The following RIF1 variants were observed in gnomAD, a reference collection of about 807,000 sequenced individuals.
RIF1 encodes telomere-associated protein RIF1.
Under a neutral mutation model 247.1 loss-of-function variants are expected in RIF1, and 45 were observed. That is an observed-to-expected ratio of 0.18 (90% CI 0.14 to 0.23). The LOEUF is 0.23. RIF1 is among the 10% of genes least tolerant of loss of function. The pLI is 1.00. For missense variants in RIF1, 2,967 were observed against 2,862.5 expected (o/e 1.04, Z -0.83); for synonymous variants, 1,087 against 978.8 (o/e 1.11, Z -2.06).
Position 151,505,462 on chromosome 2 carries a change from A to C in RIF1, c.*862-748A>C. On this transcript the variant is annotated intron_variant and NMD_transcript_variant, in intron 12 of 13. Coordinates refer to the RIF1 transcript ENST00000454583. The stretch of plus-strand genomic sequence containing the variant: ...TGGCCAGTCACACAAATGGAAGCTG[A>C]GAGTATGGCCACTACCGAGCTAATG... The C allele has an allele frequency of 6.2e-7, 1 of 1,605,692 alleles. No homozygotes were observed. Among genetic ancestry groups the C allele is most frequent in the Non-Finnish European group, 8.5e-7 (1 of 1,172,690 alleles).
At position 151,464,959 on chromosome 2, in the gene RIF1, T is replaced by G; in HGVS notation, c.5439T>G (p.Val1813=). ...ATACTATTAATGATTCATTAATTGT[T>G]TCTGAAACCAAATCAAAAGAAAACA... is the stretch of plus-strand genomic sequence containing the variant. ...DNDTINDSLI[V]SETKSKENTM... is the part of the protein sequence containing the mutation. The change falls in exon 30 of 36, where the codon GTT becomes GTG. Residue 1813 remains valine (V), a synonymous_variant. Coordinates refer to ENST00000444746, the MANE Select transcript of RIF1 (RefSeq NM_018151.5). 6.4e-7 allele frequency: 1 copy of G among 1,572,700 alleles called. No individual in the cohort carries two copies. The highest frequency in any genetic ancestry group is 8.6e-7 in the Non-Finnish European group (1 of 1,167,502).
the RIF1 span, chr2:151,516,672 A>C: frequency 1.3e-5 from 10 of 747,266 alleles, no homozygotes; most frequent in Non-Finnish European, 2.1e-5. Context: ...ATGGCATCTC[A>C]TTGCCACTCA....
At chr2:151,429,545 A>G (rs1244107253) in intron 9 of RIF1, among the ~76,000 whole-genome samples, 1 of 152,218 alleles carries the variant, frequency 6.6e-6, no homozygotes, top group Non-Finnish European at 1.5e-5. Flanking sequence ...TTATTTAATC[A>G]TCACAATAGA....
At position 151,475,659 on chromosome 2, in the gene RIF1, T is replaced by C. The variant is rs1452727749; in HGVS notation, c.*588T>C. 6.5e-6 allele frequency: 1 copy of C among 153,742 alleles called. No individual in the cohort carries two copies. Among genetic ancestry groups the C allele is most frequent in the Non-Finnish European group, 1.5e-5 (1 of 68,948 alleles). The allele number at this position is 153,742 out of a possible 1,614,324, so 9.5% of individuals were successfully genotyped here. A position where few individuals can be genotyped will look rare whatever the true frequency, so the allele number is the denominator to read the frequency against. On this transcript the variant is annotated 3_prime_UTR_variant, in exon 36 of 36. Transcript: ENST00000444746. ...TGGCGGTTAAAATATTAATGCAGAA[T>C]TTACTAAGATTTTATTCATTTGCAT...
rs527721655 is a variant in RIF1, at chr2:151,445,320, T to G, written c.1987-18T>G. 18 of 1,366,430 alleles carry G rather than the reference T, an allele frequency of 1.3e-5. No individual in the cohort carries two copies. In the South Asian group the frequency reaches 2.1e-4, roughly 16 times the overall value. 84.6% of individuals were successfully genotyped at this position (1,366,430 alleles called of 1,614,324 possible). A position where few individuals can be genotyped will look rare whatever the true frequency, so the allele number is the denominator to read the frequency against. ...TAAGATGGTAATTTGTCTAACTTCA[T>G]TATTTTTCTTGTTTTAGACCAATGA... On this transcript the variant is annotated intron_variant, in intron 18 of 35. Coordinates refer to ENST00000444746, the MANE Select transcript of RIF1 (RefSeq NM_018151.5).
chr2:151,411,195 A>T, intron 2 of RIF1, 65 bp from the exon 3 acceptor site: 1 of 980,316 alleles, frequency 1.0e-6, no homozygotes, highest in Non-Finnish European at 1.6e-6. Flanking sequence ...TTGTACATGT[A>T]TTTTTGAGAG....
At chr2:151,497,584 A>AATC in intron 10 of RIF1, 1 of 1,539,878 alleles carries the variant, frequency 6.5e-7, no homozygotes, top group Non-Finnish European at 8.8e-7. Flanking sequence ...AAGTTTTCAA[A>AATC]ATCATTAAAT....
At chr2:151,418,773 CTG>C (rs1687647527) in intron 6 of RIF1, among the ~76,000 whole-genome samples, 1 of 151,834 alleles carries the variant, frequency 6.6e-6, no homozygotes, top group African/African-American at 2.4e-5. Context: ...ATATGGGAGA[CTG>C]AGGCATTGAG....
chr2:151,496,906 C>CAGTA (rs1195836880), intron 10 of RIF1: 40 of 1,502,550 alleles, frequency 2.7e-5, no homozygotes, highest in Non-Finnish European at 2.7e-5. Flanking sequence ...TTTTTAAAAT[C>CAGTA]AGTAAGTAGT....
At chr2:151,508,066 T>C, downstream of RIF1, 7 of 1,611,068 alleles carry the variant, frequency 4.3e-6, no homozygotes, top group East Asian at 1.6e-4. Flanking sequence ...CAAAACAGTC[T>C]CATAATACGA....
downstream of RIF1, chr2:151,486,295 A>G (rs1015408407): frequency 4.8e-6 from 1 of 207,616 alleles, no homozygotes; most frequent in African/African-American, 2.3e-5. Flanking sequence ...TAAAACCACA[A>G]TGAGATACCC....
At chr2:151,509,900 G>A (rs566476860), downstream of RIF1, among the ~76,000 whole-genome samples, 19 of 152,272 alleles carry the variant, frequency 1.2e-4, no homozygotes, top group African/African-American at 3.4e-4. Context: ...GAGCCACTGC[G>A]CCCGACCAAG....
Position 151,468,456 on chromosome 2 carries a change from C to A in RIF1, c.6748-18C>A. On this transcript the variant is annotated intron_variant, in intron 31 of 35. Coordinates refer to ENST00000444746, the MANE Select transcript of RIF1 (RefSeq NM_018151.5). ...TCTAGGGTTCTGAGTGTTTTTTTCT[C>A]TCCTTTCTTCTATCTAGCATAATAC... is the stretch of plus-strand genomic sequence containing the variant. 6.3e-7 allele frequency: 1 copy of A among 1,589,456 alleles called. No individual in the cohort carries two copies. The highest frequency in any genetic ancestry group is 8.6e-7 in the Non-Finnish European group (1 of 1,159,170).
chr2:151,448,550 T>TG (rs1187362600), intron 20 of RIF1, among the ~76,000 whole-genome samples: 1 of 152,192 alleles, frequency 6.6e-6, no homozygotes, highest in African/African-American at 2.4e-5. Context: ...AATCAGATCT[T>TG]GTCACTCTTG....
the RIF1 span, among the ~76,000 whole-genome samples, chr2:151,513,912 A>G: frequency 2.0e-5 from 3 of 152,210 alleles, no homozygotes; most frequent in African/African-American, 7.2e-5. Context: ...ATGGGTCAAC[A>G]GAGGTCTCCT....
chr2:151,414,286 C>CA lies in RIF1; in HGVS notation c.184-523dup, dbSNP rs67760163. ...GGGCAACAAGAGCGAAACTCTGTCT[C>CA]AAAAAAAAAAAAAATTTCTAGATTG... is the stretch of plus-strand genomic sequence containing the variant. On this transcript the variant is annotated intron_variant, in intron 3 of 35. Transcript: ENST00000444746. Among the ~76,000 whole-genome samples the CA allele has an allele frequency of 1.4e-3, 202 of 145,160 alleles. 1 individual carries two copies. Among genetic ancestry groups the CA allele is most frequent in the Middle Eastern group, 3.6e-3 (1 of 278 alleles).
Position 151,464,870 on chromosome 2 carries a change from G to GA in RIF1, c.5352dup (p.Gly1785ArgfsTer6). 1 of 1,596,752 alleles carries GA rather than the reference G, an allele frequency of 6.3e-7. No homozygotes were observed. Among genetic ancestry groups the GA allele is most frequent in the African/African-American group, 1.4e-5 (1 of 73,834 alleles). On this transcript the variant is annotated frameshift_variant, in exon 30 of 36. Coordinates refer to ENST00000444746, the MANE Select transcript of RIF1 (RefSeq NM_018151.5). LOFTEE classifies it high-confidence loss of function. Reference sequence around the variant, plus strand: ...AACTTCTCAAGCTAATCCATATTCTGAAGGACAATTTTTAGATGAACATCA... The same window carrying GA: ...AACTTCTCAAGCTAATCCATATTCTGAAAGGACAATTTTTAGATGAACATCA...
chr2:151,474,671 A>G (rs2048839747), intron 35 of RIF1, among the ~76,000 whole-genome samples, 186 bp from the exon 36 acceptor site: 1 of 152,154 alleles, frequency 6.6e-6, no homozygotes, highest in African/African-American at 2.4e-5. Context: ...ATGAGGCTCC[A>G]TCTCATAATA....
chr2:151,431,651 G>A (rs1181705480), intron 9 of RIF1, among the ~76,000 whole-genome samples: 1 of 152,150 alleles, frequency 6.6e-6, no homozygotes, highest in Non-Finnish European at 1.5e-5. Context: ...GACGGGCATG[G>A]TGGCACATGC....
Sources: allele counts gnomAD v4.1 joint callset (sites outside exome capture counted in the v4.1 genomes callset), GRCh38; gene constraint gnomAD v4.1.1; transcripts MANE v1.5; gene names NCBI Gene and HGNC (gene_info 2026-07-23, HGNC 2026-07-21).